The following SLC17A1 variants were observed in gnomAD, a reference collection of about 807,000 sequenced individuals.
SLC17A1 encodes the protein solute carrier family 17 member 1.
SLC17A1 carries 51 observed loss-of-function variants against 53.5 expected under a neutral mutation model. The ratio of observed to expected loss-of-function variants is 0.95; its 90% CI spans 0.76 to 1.20. The LOEUF (loss-of-function observed/expected upper bound fraction) is 1.20, where lower values mean the gene tolerates loss of function less well. Ranked by LOEUF, SLC17A1 falls within the 50% of genes most tolerant of loss-of-function variation. The pLI is 0.00. For missense variants in SLC17A1, 538 were observed against 568.2 expected (o/e 0.95, Z 0.54); for synonymous variants, 179 against 198.8 (o/e 0.90, Z 0.84).
At chr6:25,731,777 C>T in the SLC17A1 span, 9 of 1,571,256 alleles carry the variant, frequency 5.7e-6, no homozygotes, top group Non-Finnish European at 7.8e-6. Flanking sequence ...CTGGCCCTAT[C>T]ATGTTTTACT....
chr6:25,725,693 G>T, the SLC17A1 span, among the ~76,000 whole-genome samples: 1 of 152,148 alleles, frequency 6.6e-6, no homozygotes, highest in African/African-American at 2.4e-5. Flanking sequence ...TCGCCTCCCG[G>T]ACTCATGAAC....
chr6:25,823,353 C>T (rs1764631851), intron 3 of SLC17A1, among the ~76,000 whole-genome samples: 1 of 152,144 alleles, frequency 6.6e-6, no homozygotes, highest in Non-Finnish European at 1.5e-5. Context: ...ATGGCTGTCT[C>T]ATATGGTAGG....
chr6:25,812,849 AAGCATGG>A lies in SLC17A1; in HGVS notation c.872_878del (p.Ser291PhefsTer5). 6.2e-7 allele frequency: 1 copy of A among 1,607,832 alleles called. No homozygotes were observed. The highest frequency in any genetic ancestry group is 2.2e-5 in the East Asian group (1 of 44,834). Reference sequence around the variant, plus strand: ...TACTTACCTCTTTTATATTAACATGAAGCATGGAGTTGATAAACATTGGAGTGTATAG... The same window carrying A: ...TACTTACCTCTTTTATATTAACATGAAGTTGATAAACATTGGAGTGTATAG... On this transcript the variant is annotated frameshift_variant, in exon 8 of 13. Transcript: ENST00000244527. LOFTEE classifies it high-confidence loss of function.
the SLC17A1 span, chr6:25,777,861 C>A: frequency 7.4e-7 from 1 of 1,348,384 alleles, no homozygotes; most frequent in Non-Finnish European, 1.1e-6. Flanking sequence ...CTCCCTCTCC[C>A]GGGTATTGAG....
At chr6:25,756,469 T>C in the SLC17A1 span, among the ~76,000 whole-genome samples, 3 of 152,206 alleles carry the variant, frequency 2.0e-5, no homozygotes, top group African/African-American at 7.2e-5. Context: ...CTCTTGTTTT[T>C]TTCATACCAT....
intron 6 of SLC17A1, 85 bp from the exon 7 acceptor site, chr6:25,813,298 C>A: frequency 9.4e-7 from 1 of 1,069,494 alleles, no homozygotes; most frequent in South Asian, 1.3e-5. Context: ...ATGTATCAGT[C>A]TGAGAAACTG....
At chr6:25,803,488 T>C (rs754026393) in intron 10 of SLC17A1, among the ~76,000 whole-genome samples, 48 of 152,126 alleles carry the variant, frequency 3.2e-4, no homozygotes, top group Non-Finnish European at 6.3e-4. Flanking sequence ...ATGTGAACAG[T>C]GTTCCCTGAG....
the SLC17A1 span, among the ~76,000 whole-genome samples, chr6:25,758,352 C>T: frequency 6.5e-3 from 997 of 152,298 alleles, 12 homozygotes; most frequent in African/African-American, 0.022. Context: ...TCATCTCAGC[C>T]TACCTGTGTC....
chr6:25,783,060 C>A lies in SLC17A1; in HGVS notation c.*161G>T, dbSNP rs1343853539. 6.6e-6 allele frequency: 1 copy of A among 152,118 alleles called. No homozygotes were observed. The highest frequency in any genetic ancestry group is 1.5e-5 in the Non-Finnish European group (1 of 68,024). 9.4% of individuals were successfully genotyped at this position (152,118 alleles called of 1,614,324 possible). A position where few individuals can be genotyped will look rare whatever the true frequency, so the allele number is the denominator to read the frequency against. ...AAACAACACATGTTAAAAAACGATG[C>A]ACACAGGATATGTGGGAGGGTAAAA... On this transcript the variant is annotated 3_prime_UTR_variant, in exon 13 of 13. Coordinates refer to ENST00000244527, the MANE Select transcript of SLC17A1 (RefSeq NM_005074.5).
At chr6:25,830,702 A>G (rs1038554321) in intron 1 of SLC17A1, 95 bp from the exon 2 acceptor site, 1 of 707,486 alleles carries the variant, frequency 1.4e-6, no homozygotes, top group Admixed American at 2.0e-5. Context: ...ACCGCTTCCA[A>G]GGATAACTTG....
At chr6:25,760,148 G>C in the SLC17A1 span, among the ~76,000 whole-genome samples, 1 of 152,192 alleles carries the variant, frequency 6.6e-6, no homozygotes, top group African/African-American at 2.4e-5. Context: ...TGATAGGTAA[G>C]AAATAATAGG....
chr6:25,754,875 T>G, the SLC17A1 span: 1 of 152,244 alleles, frequency 6.6e-6, no homozygotes, highest in Admixed American at 6.5e-5. Context: ...AATTTGCTGT[T>G]TAGGGGCAGA....
the SLC17A1 span, among the ~76,000 whole-genome samples, chr6:25,751,205 G>A: frequency 6.6e-6 from 1 of 152,162 alleles, no homozygotes; most frequent in African/African-American, 2.4e-5. Flanking sequence ...TATTCAACCT[G>A]ACGAGATAAT....
chr6:25,745,309 T>G, the SLC17A1 span, among the ~76,000 whole-genome samples: 4 of 152,288 alleles, frequency 2.6e-5, no homozygotes, highest in South Asian at 8.3e-4. Flanking sequence ...AGTGGTACCA[T>G]GGATTTTATT....
At chr6:25,808,067 G>A (rs952733733) in intron 10 of SLC17A1, among the ~76,000 whole-genome samples, 16 of 151,990 alleles carry the variant, frequency 1.1e-4, no homozygotes, top group Admixed American at 5.9e-4. Context: ...GGTTGTACTC[G>A]TTTACATTCC....
At chr6:25,815,031 A>G (rs1385111247) in intron 6 of SLC17A1, among the ~76,000 whole-genome samples, 2 of 151,188 alleles carry the variant, frequency 1.3e-5, no homozygotes, top group Non-Finnish European at 2.9e-5. Context: ...ACACACACAC[A>G]AAGAATGAAA....
At chr6:25,727,329 C>G in the SLC17A1 span, 2 of 1,531,480 alleles carry the variant, frequency 1.3e-6, no homozygotes, top group Non-Finnish European at 1.8e-6. Context: ...CCCAAAGGCT[C>G]TTTTCAGAGC....
chr6:25,738,913 G>T, the SLC17A1 span, among the ~76,000 whole-genome samples: 2 of 152,144 alleles, frequency 1.3e-5, no homozygotes, highest in African/African-American at 2.4e-5. Context: ...GGGAAAACTT[G>T]ATCTCCCATA....
chr6:25,823,413 T>C (rs1050989898), intron 3 of SLC17A1, among the ~76,000 whole-genome samples: 1 of 152,146 alleles, frequency 6.6e-6, no homozygotes, highest in Non-Finnish European at 1.5e-5. Context: ...AAAGTGGTTG[T>C]ACCACATTGC....
Sources: gnomAD v4.1 joint callset for allele counts (sites outside exome capture counted in the v4.1 genomes callset) on GRCh38, gnomAD v4.1.1 for gene constraint, MANE v1.5 for transcripts, NCBI Gene and HGNC (gene_info 2026-07-23, HGNC 2026-07-21) for gene names.